The following ASIC2 variants were observed in gnomAD, a reference collection of about 807,000 sequenced individuals.
The protein encoded by ASIC2 is acid sensing ion channel subunit 2.
Under a neutral mutation model 57.3 loss-of-function variants are expected in ASIC2, and 25 were observed. The observed-to-expected ratio is 0.44, with a 90% CI of 0.32 to 0.61. ASIC2 has a LOEUF of 0.61. Ranked by LOEUF, ASIC2 falls within the 20% of genes least tolerant of loss-of-function variation. The pLI is 0.06. For missense variants in ASIC2, 641 were observed against 738.1 expected (o/e 0.87, Z 1.52); for synonymous variants, 319 against 307.5 (o/e 1.04, Z -0.39).
intron 3 of ASIC2, among the ~76,000 whole-genome samples, chr17:33,049,339 A>G (rs2091966685): frequency 6.6e-6 from 1 of 152,346 alleles, no homozygotes; most frequent in East Asian, 1.9e-4. Flanking sequence ...TTCCCTGTCT[A>G]TAAGCTGGGA....
chr17:33,657,964 ATTAG>A (rs1461862454), intron 1 of ASIC2, among the ~76,000 whole-genome samples: 1 of 152,264 alleles, frequency 6.6e-6, no homozygotes, highest in East Asian at 1.9e-4. Context: ...CAGGGATATA[ATTAG>A]CTCCTACTAC....
chr17:33,088,933 G>A lies in ASIC2; in HGVS notation c.917C>T (p.Pro306Leu). Residue 306 changes from proline to leucine, a missense_variant, in exon 3 of 10, where the codon CCT becomes CTT. Physicochemically the swap from Pro to Leu is moderately conservative, Grantham distance 98. Around this residue, in one of 3 missense-constraint regions of ASIC2, gnomAD observed 252 missense variants for 319.8 expected, o/e 0.79. Transcript: ENST00000225823. ...KVQIHSQSEP[P>L]FIQELGFGVA... is the part of the protein sequence containing the mutation. ...CCCAAAGCCCAGCTCTTGGATGAAA[G>A]GTGGCTCAGACTGACTGTGGATCTG... The A allele has an allele frequency of 6.2e-7, 1 of 1,614,142 alleles. No individual in the cohort carries two copies. The highest frequency in any genetic ancestry group is 8.5e-7 in the Non-Finnish European group (1 of 1,180,006).
chr17:33,739,586 CT>C (rs1910031116), intron 1 of ASIC2, among the ~76,000 whole-genome samples: 1 of 152,200 alleles, frequency 6.6e-6, no homozygotes, highest in East Asian at 1.9e-4. Context: ...GTGCTCTAAG[CT>C]TCAGCACAGG....
At chr17:33,192,505 T>C (rs1906468379) in intron 1 of ASIC2, among the ~76,000 whole-genome samples, 1 of 152,202 alleles carries the variant, frequency 6.6e-6, no homozygotes, top group Admixed American at 6.5e-5. Context: ...CTATTAATGG[T>C]GACATTTATG....
intron 1 of ASIC2, among the ~76,000 whole-genome samples, chr17:33,772,643 G>C (rs1477495856): frequency 2.6e-5 from 4 of 152,134 alleles, no homozygotes; most frequent in African/African-American, 4.8e-5. Flanking sequence ...ATCCTATACT[G>C]TATGTGTACT....
At chr17:33,714,632 C>T (rs1909152609) in intron 1 of ASIC2, among the ~76,000 whole-genome samples, 1 of 152,100 alleles carries the variant, frequency 6.6e-6, no homozygotes, top group African/African-American at 2.4e-5. Context: ...CACCCAAGTT[C>T]ATGGATCTCG....
chr17:33,963,481 T>A (rs1904987567), intron 1 of ASIC2, among the ~76,000 whole-genome samples: 1 of 152,224 alleles, frequency 6.6e-6, no homozygotes, highest in South Asian at 2.1e-4. Context: ...CTTTCATTAC[T>A]CAGATGAGAA....
At chr17:33,858,720 G>A (rs934314595) in intron 1 of ASIC2, among the ~76,000 whole-genome samples, 13 of 152,074 alleles carry the variant, frequency 8.5e-5, no homozygotes, top group African/African-American at 2.4e-4. Flanking sequence ...ACCTTTGGGT[G>A]TCCTCTGGGA....
chr17:33,706,514 G>A (rs955376524), intron 1 of ASIC2, among the ~76,000 whole-genome samples: 8 of 151,904 alleles, frequency 5.3e-5, no homozygotes, highest in Non-Finnish European at 8.8e-5. Flanking sequence ...ATCAGCCACC[G>A]TGCCCAGCCT....
intron 1 of ASIC2, among the ~76,000 whole-genome samples, chr17:33,636,726 C>T (rs1471322814): frequency 6.6e-6 from 1 of 152,176 alleles, no homozygotes; most frequent in African/African-American, 2.4e-5. Flanking sequence ...GATATGCATA[C>T]ACACACAGCA....
At chr17:33,759,480 C>T (rs568823978) in intron 1 of ASIC2, among the ~76,000 whole-genome samples, 1 of 152,246 alleles carries the variant, frequency 6.6e-6, no homozygotes, top group South Asian at 2.1e-4. Context: ...AAGGATGCAG[C>T]CTGTTGACCT....
Position 33,856,946 on chromosome 17 carries a change from G to A in ASIC2, c.555+299032C>T, listed in dbSNP as rs114167899. 3.6e-3 allele frequency among the ~76,000 whole-genome samples: 541 copies of A among 152,188 alleles called. 4 individuals carry two copies. The highest frequency in any genetic ancestry group is 0.011 in the African/African-American group (475 of 41,514). ...GAGTGTGGGCTTGTCTTGTAGTCAC[G>A]GAGGAGCCATCCTGGGCTTTATTTG... is the stretch of plus-strand genomic sequence containing the variant. On this transcript the variant is annotated intron_variant, in intron 1 of 9. Transcript: ENST00000359872.
At chr17:33,050,692 TC>T (rs996058012) in intron 3 of ASIC2, among the ~76,000 whole-genome samples, 58 of 152,122 alleles carry the variant, frequency 3.8e-4, no homozygotes, top group African/African-American at 1.4e-3. Context: ...CATGAGGAAA[TC>T]CCGGGTGCTC....
At chr17:33,796,229 G>A (rs1241991514) in intron 1 of ASIC2, among the ~76,000 whole-genome samples, 1 of 152,054 alleles carries the variant, frequency 6.6e-6, no homozygotes, top group Non-Finnish European at 1.5e-5. Context: ...AAGGCTCTGT[G>A]CTCCCTGGGA....
intron 1 of ASIC2, among the ~76,000 whole-genome samples, chr17:34,099,527 AGAAAGAAAG>A (rs1219720410): frequency 2.7e-5 from 4 of 148,776 alleles, no homozygotes; most frequent in East Asian, 2.0e-4. Context: ...AGAAAAAGAA[AGAAAGAAAG>A]GAAAGAAAGA....
At chr17:33,389,990 A>G (rs8074495) in intron 1 of ASIC2, among the ~76,000 whole-genome samples, 44,994 of 151,910 alleles carry the variant, frequency 0.3, 8,168 homozygotes, top group Non-Finnish European at 0.4. Context: ...CCAGCCTGAG[A>G]CTGGCACATG....
At chr17:33,212,005 G>T (rs1024162811) in intron 1 of ASIC2, among the ~76,000 whole-genome samples, 1 of 152,152 alleles carries the variant, frequency 6.6e-6, no homozygotes, top group African/African-American at 2.4e-5. Context: ...GAGGAAACAG[G>T]AGTCTCAGGA....
chr17:33,740,804 G>A (rs1291362153), intron 1 of ASIC2, among the ~76,000 whole-genome samples: 1 of 152,172 alleles, frequency 6.6e-6, no homozygotes, highest in East Asian at 1.9e-4. Flanking sequence ...ACTACTATGG[G>A]TTGTGGGGTA....
At chr17:33,954,447 C>A (rs1432473630) in intron 1 of ASIC2, among the ~76,000 whole-genome samples, 2 of 152,222 alleles carry the variant, frequency 1.3e-5, no homozygotes, top group Admixed American at 6.5e-5. Flanking sequence ...CTCCCAATCC[C>A]ACCTGGGGCA....
Sources: allele counts gnomAD v4.1 joint callset (sites outside exome capture counted in the v4.1 genomes callset), GRCh38; gene constraint gnomAD v4.1.1; regional missense constraint gnomAD v4.1.1; transcripts MANE v1.5; gene names NCBI Gene and HGNC (gene_info 2026-07-23, HGNC 2026-07-21).